The following AK8 variants were observed in gnomAD, a reference collection of about 807,000 sequenced individuals.
AK8 encodes the protein adenylate kinase 8, also known as ATP-AMP transphosphorylase 8.
Under a neutral mutation model 54.6 loss-of-function variants are expected in AK8, and 44 were observed. The observed-to-expected ratio is 0.81, with a 90% confidence interval of 0.63 to 1.04. The LOEUF (loss-of-function observed/expected upper bound fraction) is 1.04, where lower values mean the gene tolerates loss of function less well. AK8 is among the 50% of genes least tolerant of loss of function. The pLI is 0.00. For missense variants in AK8, 555 were observed against 613.6 expected, an observed-to-expected ratio of 0.90 and a Z score of 1.01; for synonymous variants, 239 against 245.6, an observed-to-expected ratio of 0.97 and a Z score of 0.25.
At chr9:132,775,997 G>C (rs7869905) in intron 11 of AK8, among the ~76,000 whole-genome samples, 93,606 of 152,122 alleles carry the variant, frequency 0.62, 29,437 homozygotes, top group East Asian at 0.81. Flanking sequence ...GCAACAGGCT[G>C]TCATAAACTA....
rs372909266 is a variant in AK8, at chr9:132,790,396, G to A, written c.1121+2238C>T. ...CTCCCAAGTAGCTGGGACTACAGGC[G>A]GCCGCCACCACGTCCAGCTAATTTT... On this transcript the variant is annotated intron_variant, in intron 11 of 12. Transcript: ENST00000298545. The surrounding 1 kb of genome is among the most constrained non-coding windows in gnomAD (Gnocchi z 4.1). Among the ~76,000 whole-genome samples the A allele has an allele frequency of 1.3e-3, 194 of 152,162 alleles. 2 individuals carry two copies. The highest frequency in any genetic ancestry group is 3.4e-3 in the Middle Eastern group (1 of 294).
rs1031202070 is a variant in AK8, at chr9:132,823,434, CTT to C, written c.758-100_758-99del. On this transcript the variant is annotated intron_variant, in intron 8 of 12. Coordinates refer to ENST00000298545, the MANE Select transcript of AK8 (RefSeq NM_152572.3). ...TTTGACTCTTTTAACGGCAGTAACT[CTT>C]TTTCTCTTTCACAGCACCATGGAAG... 54 of 1,510,762 alleles carry C rather than the reference CTT, an allele frequency of 3.6e-5. No individual in the cohort carries two copies. The African/African-American group carries it at 4.3e-4, about 12-fold the overall frequency. The allele number at this position is 1,510,762 out of a possible 1,614,324, so 93.6% of individuals were successfully genotyped here.
At chr9:132,780,515 G>C (rs982678560) in intron 11 of AK8, among the ~76,000 whole-genome samples, 2 of 152,198 alleles carry the variant, frequency 1.3e-5, no homozygotes, top group African/African-American at 4.8e-5. Context: ...GCAATGAGAA[G>C]AGACCTGTCA....
At chr9:132,812,863 CCCA>C (rs1201227675) in intron 10 of AK8, among the ~76,000 whole-genome samples, 8 of 151,420 alleles carry the variant, frequency 5.3e-5, no homozygotes, top group East Asian at 3.9e-4. Flanking sequence ...CAGGACCAGA[CCCA>C]CTCACTGCCC....
At chr9:132,853,246 T>A (rs1843038801) in intron 5 of AK8, among the ~76,000 whole-genome samples, 1 of 150,164 alleles carries the variant, frequency 6.7e-6, no homozygotes, top group South Asian at 2.1e-4. Flanking sequence ...TAATCCCAGC[T>A]ACTCAGGAGG....
chr9:132,861,067 T>C (rs1843366773), intron 4 of AK8, among the ~76,000 whole-genome samples: 1 of 152,162 alleles, frequency 6.6e-6, no homozygotes, highest in South Asian at 2.1e-4. Context: ...TCTCAGACTA[T>C]CCTCACTGCT....
intron 10 of AK8, among the ~76,000 whole-genome samples, chr9:132,804,937 C>T (rs977004094): frequency 2.2e-4 from 33 of 152,230 alleles, no homozygotes; most frequent in African/African-American, 7.7e-4. Flanking sequence ...GAGAAAGAAC[C>T]CGTGTCAGCT....
chr9:132,766,218 C>T (rs1232104579), intron 11 of AK8, among the ~76,000 whole-genome samples: 1 of 152,140 alleles, frequency 6.6e-6, no homozygotes, highest in Non-Finnish European at 1.5e-5. Context: ...TTCAAGCAAT[C>T]CTCCCACCTC....
chr9:132,853,268 G>T (rs949052887), intron 5 of AK8, among the ~76,000 whole-genome samples: 3 of 148,956 alleles, frequency 2.0e-5, no homozygotes, highest in Non-Finnish European at 4.4e-5. Flanking sequence ...TGAGGCAGGA[G>T]AATCGCTCAA....
chr9:132,736,424 G>T (rs1009001039), intron 11 of AK8, among the ~76,000 whole-genome samples: 5 of 151,594 alleles, frequency 3.3e-5, no homozygotes, highest in Non-Finnish European at 7.4e-5. Context: ...CTGACCTCAG[G>T]TGATCCGCCC....
intron 5 of AK8, among the ~76,000 whole-genome samples, chr9:132,851,295 G>C (rs892396525): frequency 1.1e-4 from 16 of 152,242 alleles, no homozygotes; most frequent in African/African-American, 3.9e-4. Flanking sequence ...CACTGAAAGA[G>C]GGGACCCTTC....
rs555588708 is a variant in AK8, at chr9:132,813,379, G to T, written c.979+1259C>A. Among the ~76,000 whole-genome samples the T allele has an allele frequency of 2.6e-5, 4 of 152,328 alleles. No individual in the cohort carries two copies. The East Asian group carries it at 7.7e-4, about 29-fold the overall frequency. On this transcript the variant is annotated intron_variant, in intron 10 of 12. Transcript: ENST00000298545. Reference sequence around the variant, plus strand: ...CTGGGAGGACAGAGCCTGTTTTCATGTGCTTCCTCCTCATCAACCTGCTCC... The same window carrying T: ...CTGGGAGGACAGAGCCTGTTTTCATTTGCTTCCTCCTCATCAACCTGCTCC...
At chr9:132,732,254 T>G (rs542197488) in intron 11 of AK8, among the ~76,000 whole-genome samples, 1 of 152,338 alleles carries the variant, frequency 6.6e-6, no homozygotes, top group African/African-American at 2.4e-5. Context: ...CTTTCAGCAT[T>G]GTGATTTTCA....
rs73660286 is a variant in AK8 at position 132,868,102 on chromosome 9, G to C, written c.170-1149C>G. Reference sequence around the variant, plus strand: ...CCTGACCCAAGGTGACAGATGAACAGATGTCCACTGCAACTCACATGAGCC... The same window carrying C: ...CCTGACCCAAGGTGACAGATGAACACATGTCCACTGCAACTCACATGAGCC... On this transcript the variant is annotated intron_variant, in intron 2 of 12. Transcript: ENST00000298545. Among the ~76,000 whole-genome samples the C allele has an allele frequency of 9.0e-3, 1,367 of 152,294 alleles. 18 individuals are homozygous for C. The highest frequency in any genetic ancestry group is 0.031 in the African/African-American group (1,275 of 41,558).
intron 10 of AK8, among the ~76,000 whole-genome samples, chr9:132,793,372 A>G (rs1409052236): frequency 1.3e-5 from 2 of 152,186 alleles, no homozygotes; most frequent in South Asian, 2.1e-4. Flanking sequence ...TGACACATTC[A>G]GACCATAGCA....
chr9:132,845,224 CATAATA>C (rs1842701021), intron 5 of AK8, among the ~76,000 whole-genome samples: 1 of 152,300 alleles, frequency 6.6e-6, no homozygotes, highest in Admixed American at 6.5e-5. Flanking sequence ...TCAAAATAAT[CATAATA>C]ATAACACACA....
chr9:132,841,463 T>TC (rs1342316868), intron 5 of AK8, among the ~76,000 whole-genome samples: 1 of 152,222 alleles, frequency 6.6e-6, no homozygotes, highest in Non-Finnish European at 1.5e-5. Context: ...TTTCTTTTTT[T>TC]CTTTGCCAGA....
intron 11 of AK8, among the ~76,000 whole-genome samples, chr9:132,732,317 T>G (rs1333121933): frequency 6.6e-6 from 1 of 152,136 alleles, no homozygotes; most frequent in African/African-American, 2.4e-5. Flanking sequence ...CATTTGGGAT[T>G]ATGGCATTCA....
At position 132,835,293 on chromosome 9, in the gene AK8, C is replaced by T. The variant is rs1842277926; in HGVS notation, c.403-6567G>A. Among the ~76,000 whole-genome samples the T allele has an allele frequency of 2.0e-5, 3 of 152,142 alleles. No homozygotes were observed. The South Asian group carries it at 6.2e-4, about 32-fold the overall frequency. ...AGTTTGAAGAACAAATTGTTCTGTC[C>T]CCAGATGCACCAGTCTACCCTAGCT... On this transcript the variant is annotated intron_variant, in intron 5 of 12. Transcript: ENST00000298545.
Sources: allele counts gnomAD v4.1 joint callset (sites outside exome capture counted in the v4.1 genomes callset), GRCh38; gene constraint gnomAD v4.1.1; non-coding constraint Gnocchi (gnomAD v3.1); transcripts MANE v1.5; gene names NCBI Gene and HGNC (gene_info 2026-07-23, HGNC 2026-07-21).